SPHK1: variants seen among roughly 807,000 people sequenced by gnomAD.
SPHK1 encodes the protein sphingosine kinase 1, also known as SK 1.
Under a neutral mutation model 14.6 loss-of-function variants are expected in SPHK1, and 10 were observed. The ratio of observed to expected loss-of-function variants is 0.68; its 90% confidence interval spans 0.42 to 1.16. SPHK1 has a LOEUF of 1.16. Among genes scored for constraint, SPHK1 ranks in the 50% most tolerant of loss-of-function variants. SPHK1 has a pLI of 0.00. For synonymous variants in SPHK1, 274 were observed against 224.0 expected, an observed-to-expected ratio of 1.22 and a Z score of -1.99; for missense variants, 553 against 525.4, an observed-to-expected ratio of 1.05 and a Z score of -0.51.
chr17:76,383,259 C>G (rs1260611559), upstream of SPHK1: 2 of 151,722 alleles, frequency 1.3e-5, no homozygotes, highest in Non-Finnish European at 2.9e-5. Flanking sequence ...GCCCGGGGGC[C>G]GCGCAAGGCG....
chr17:76,385,145 C>T lies in SPHK1; in HGVS notation c.-194-306C>T. The T allele has an allele frequency of 6.3e-7, 1 of 1,594,480 alleles. No individual in the cohort carries two copies. The highest frequency in any genetic ancestry group is 1.1e-5 in the South Asian group (1 of 87,426). On this transcript the variant is annotated intron_variant, in intron 1 of 5. Coordinates refer to ENST00000592299, the MANE Select transcript of SPHK1 (RefSeq NM_001142601.2). This position sits in a 1 kb window ranked among gnomAD's most constrained non-coding sequence, Gnocchi z 5.3. ...TCTGGGATTTTTACGCAGCTGGACT[C>T]CCCTCCCCCTGGCAGCCCCGAGGGG...
At position 76,387,366 on chromosome 17, in the gene SPHK1, T is replaced by C; in HGVS notation, c.935T>C (p.Met312Thr). The C allele has an allele frequency of 6.2e-7, 1 of 1,613,910 alleles. No individual in the cohort carries two copies. The highest frequency in any genetic ancestry group is 8.5e-7 in the Non-Finnish European group (1 of 1,180,018). ...LFLAMEKGRH[M>T]EYECPYLVYV... ...CTGGCCATGGAGAAGGGCAGGCATA[T>C]GGAGTATGAATGCCCCTACTTGGTA... Residue 312 changes from methionine (M) to threonine (T), a missense_variant, in exon 6 of 6, where the codon ATG (methionine) becomes ACG (threonine). Coordinates refer to ENST00000592299, the MANE Select transcript of SPHK1 (RefSeq NM_001142601.2). This position sits in a 1 kb window ranked among gnomAD's most constrained non-coding sequence, Gnocchi z 4.1.
chr17:76,387,850 T>G lies in SPHK1; in HGVS notation c.*264T>G. ...CGAACCAAATCCAAATAAAGTGACA[T>G]TCCCAGCCTGCTCGTCCTGTCCTGG... On this transcript the variant is annotated 3_prime_UTR_variant, in exon 6 of 6. Transcript: ENST00000592299. The surrounding 1 kb of genome is among the most constrained non-coding windows in gnomAD (Gnocchi z 4.1). 3.9e-5 allele frequency: 17 copies of G among 434,470 alleles called. No homozygotes were observed. The highest frequency in any genetic ancestry group is 4.5e-5 in the Non-Finnish European group (11 of 243,098). 26.9% of individuals were successfully genotyped at this position (434,470 alleles called of 1,614,324 possible).
chr17:76,384,129 G>A, upstream of SPHK1: 1 of 178,764 alleles, frequency 5.6e-6, no homozygotes, highest in Non-Finnish European at 1.2e-5. Flanking sequence ...GGGTGGGCTA[G>A]GGCAGAGCGC....
chr17:76,387,327 T>A lies in SPHK1; in HGVS notation c.896T>A (p.Leu299Gln). ...CGGGCGGGAGTGTCTCGTGCCATGC[T>A]GCTGCGCCTCTTCCTGGCCATGGAG... ...YVRAGVSRAM[L>Q]LRLFLAMEKG... Residue 299 changes from leucine to glutamine, a missense_variant, in exon 6 of 6, where the codon CTG becomes CAG. Physicochemically the swap from Leu to Gln is moderately radical, Grantham distance 113. Transcript: ENST00000592299. The surrounding 1 kb of genome is among the most constrained non-coding windows in gnomAD (Gnocchi z 4.1). 2 of 1,613,456 alleles carry A rather than the reference T, an allele frequency of 1.2e-6. No homozygotes were observed. Among genetic ancestry groups the A allele is most frequent in the Non-Finnish European group, 1.7e-6 (2 of 1,179,930 alleles).
In SPHK1 at chr17:76,387,010, T is replaced by C; in HGVS notation, c.579T>C (p.Thr193=). 2 of 1,613,640 alleles carry C rather than the reference T, an allele frequency of 1.2e-6. No homozygotes were observed. Among genetic ancestry groups the C allele is most frequent in the Non-Finnish European group, 1.7e-6 (2 of 1,179,994 alleles). ...GGCGTCTGGGGGAGATGCGCTTCACTCTGGGCACCTTCCTGCGTCTGGCAG... is the reference window on the plus strand; with the variant it reads ...GGCGTCTGGGGGAGATGCGCTTCACCCTGGGCACCTTCCTGCGTCTGGCAG... The part of the protein sequence containing the change: ...KYRRLGEMRF[T]LGTFLRLAAL... The change falls in exon 6 of 6, where the codon ACT becomes ACC. Residue 193 remains threonine (T), a synonymous_variant. Coordinates refer to ENST00000592299, the MANE Select transcript of SPHK1 (RefSeq NM_001142601.2). This position sits in a 1 kb window ranked among gnomAD's most constrained non-coding sequence, Gnocchi z 4.1.
In SPHK1 at chr17:76,387,009, C is replaced by G. The variant is rs764392304; in HGVS notation, c.578C>G (p.Thr193Ser). 14 of 1,613,656 alleles carry G rather than the reference C, an allele frequency of 8.7e-6. No individual in the cohort carries two copies. The highest frequency in any genetic ancestry group is 1.2e-5 in the Non-Finnish European group (14 of 1,179,990). The change falls in exon 6 of 6, where the codon ACT (threonine) becomes AGT (serine). Residue 193 changes from threonine (T) to serine (S), a missense_variant. Thr to Ser is a moderately conservative substitution (Grantham distance 58, BLOSUM62 1). Coordinates refer to ENST00000592299, the MANE Select transcript of SPHK1 (RefSeq NM_001142601.2). This position sits in a 1 kb window ranked among gnomAD's most constrained non-coding sequence, Gnocchi z 4.1. ...CGGCGTCTGGGGGAGATGCGCTTCA[C>G]TCTGGGCACCTTCCTGCGTCTGGCA... ...KYRRLGEMRF[T>S]LGTFLRLAAL...
chr17:76,386,654 G>A lies in SPHK1; in HGVS notation c.374+146G>A. 1 of 1,160,244 alleles carries A rather than the reference G, an allele frequency of 8.6e-7. No homozygotes were observed. Among genetic ancestry groups the A allele is most frequent in the East Asian group, 2.4e-5 (1 of 41,180 alleles). The allele number at this position is 1,160,244 out of a possible 1,614,324, so 71.9% of individuals were successfully genotyped here. A position where few individuals can be genotyped will look rare whatever the true frequency, so the allele number is the denominator to read the frequency against. ...GGGCCCTCTCCTGGTGACCCCAGCT[G>A]ACTGCTTCCATTTGCTCCATCTGTC... On this transcript the variant is annotated intron_variant, in intron 5 of 5. Coordinates refer to ENST00000592299, the MANE Select transcript of SPHK1 (RefSeq NM_001142601.2). This position sits in a 1 kb window ranked among gnomAD's most constrained non-coding sequence, Gnocchi z 5.3.
Position 76,386,781 on chromosome 17 carries a change from C to G in SPHK1, c.375-25C>G, listed in dbSNP as rs780393954. On this transcript the variant is annotated intron_variant, in intron 5 of 5. Transcript: ENST00000592299. The surrounding 1 kb of genome is among the most constrained non-coding windows in gnomAD (Gnocchi z 5.3). Reference sequence around the variant, plus strand: ...GGATACATGGGGGCTCCTGTCCTGCCTTATCTGACTTTTTCCCCCTGCAGC... The same window carrying G: ...GGATACATGGGGGCTCCTGTCCTGCGTTATCTGACTTTTTCCCCCTGCAGC... 6.6e-7 allele frequency: 1 copy of G among 1,526,354 alleles called. No homozygotes were observed. The highest frequency in any genetic ancestry group is 2.1e-5 in the Admixed American group (1 of 47,878). The allele number at this position is 1,526,354 out of a possible 1,614,324, so 94.6% of individuals were successfully genotyped here.
In SPHK1 at chr17:76,387,143, C is replaced by T. The variant is rs1200896233; in HGVS notation, c.712C>T (p.Leu238Phe). 4 of 1,613,058 alleles carry T rather than the reference C, an allele frequency of 2.5e-6. No individual in the cohort carries two copies. The highest frequency in any genetic ancestry group is 3.4e-6 in the Non-Finnish European group (4 of 1,180,012). ...VVQQGPVDAH[L>F]VPLEEPVPSH... is the part of the protein sequence containing the mutation. ...CCAGCAGGGCCCGGTAGATGCACACCTTGTGCCACTGGAGGAGCCAGTGCC... is the reference window on the plus strand; with the variant it reads ...CCAGCAGGGCCCGGTAGATGCACACTTTGTGCCACTGGAGGAGCCAGTGCC... Residue 238 changes from leucine to phenylalanine, a missense_variant, in exon 6 of 6, where the codon CTT becomes TTT. Transcript: ENST00000592299. This position sits in a 1 kb window ranked among gnomAD's most constrained non-coding sequence, Gnocchi z 4.1.
In SPHK1 at chr17:76,385,769, C is replaced by CGA; in HGVS notation, c.10+115_10+116insGA. Reference sequence around the variant, plus strand: ...TGGACGATCGGGAGAAACATTATCCCTCACGAGGCCAGAAGCCGGCCGAAT... The same window carrying CGA: ...TGGACGATCGGGAGAAACATTATCCCGATCACGAGGCCAGAAGCCGGCCGAAT... On this transcript the variant is annotated intron_variant, in intron 2 of 5. Coordinates refer to ENST00000592299, the MANE Select transcript of SPHK1 (RefSeq NM_001142601.2). The surrounding 1 kb of genome is among the most constrained non-coding windows in gnomAD (Gnocchi z 5.3). 1 of 1,424,658 alleles carries CGA rather than the reference C, an allele frequency of 7.0e-7. No individual in the cohort carries two copies. The highest frequency in any genetic ancestry group is 9.6e-7 in the Non-Finnish European group (1 of 1,046,794). The allele number at this position is 1,424,658 out of a possible 1,614,324, so 88.3% of individuals were successfully genotyped here. A position where few individuals can be genotyped will look rare whatever the true frequency, so the allele number is the denominator to read the frequency against.
At position 76,386,155 on chromosome 17, in the gene SPHK1, G is replaced by T. The variant is rs990032613; in HGVS notation, c.163+18G>T. On this transcript the variant is annotated intron_variant, in intron 3 of 5. Transcript: ENST00000592299. The surrounding 1 kb of genome is among the most constrained non-coding windows in gnomAD (Gnocchi z 5.3). ...GCTCACTGGTGAGTACCTCTCGGAG[G>T]GGGTTTCGGGAGCATCCCCTGGCAG... 1 of 1,589,404 alleles carries T rather than the reference G, an allele frequency of 6.3e-7. No individual in the cohort carries two copies.
chr17:76,384,867 G>A, intron 1 of SPHK1, 61 bp downstream of exon 1: 1 of 414,370 alleles, frequency 2.4e-6, no homozygotes, highest in Non-Finnish European at 4.2e-6. Flanking sequence ...GCCCTCGCGG[G>A]GCCCCGGGAA....
rs1291114538 is a variant in SPHK1 at position 76,387,072 on chromosome 17, C to T, written c.641C>T (p.Pro214Leu). 4 of 1,613,344 alleles carry T rather than the reference C, an allele frequency of 2.5e-6. No homozygotes were observed. The highest frequency in any genetic ancestry group is 2.7e-5 in the African/African-American group (2 of 74,928). ...RTYRGRLAYLPVGRVGSKTPA... is the reference protein window; with the variant it reads ...RTYRGRLAYLLVGRVGSKTPA... ...TACCGCGGCCGACTGGCCTACCTCC[C>T]TGTAGGAAGAGTGGGTTCCAAGACA... Residue 214 changes from proline to leucine, a missense_variant, in exon 6 of 6, where the codon CCT (proline) becomes CTT (leucine). Transcript: ENST00000592299. This position sits in a 1 kb window ranked among gnomAD's most constrained non-coding sequence, Gnocchi z 4.1.
rs769049468 is a variant in SPHK1, at chr17:76,385,405, G to A, written c.-194-46G>A. 3 of 1,476,000 alleles carry A rather than the reference G, an allele frequency of 2.0e-6. No individual in the cohort carries two copies. Among genetic ancestry groups the A allele is most frequent in the East Asian group, 2.5e-5 (1 of 40,196 alleles). The allele number at this position is 1,476,000 out of a possible 1,614,324, so 91.4% of individuals were successfully genotyped here. ...TTTAGTCGGGCGCTCCCCACCTCTG[G>A]CAGCTGCGGCCCCGGACTCCGCCAG... On this transcript the variant is annotated intron_variant, in intron 1 of 5. Transcript: ENST00000592299. This position sits in a 1 kb window ranked among gnomAD's most constrained non-coding sequence, Gnocchi z 5.3.
Position 76,385,325 on chromosome 17 carries a change from G to A in SPHK1, c.-194-126G>A. 6.9e-7 allele frequency: 1 copy of A among 1,454,558 alleles called. No individual in the cohort carries two copies. Among genetic ancestry groups the A allele is most frequent in the Non-Finnish European group, 9.1e-7 (1 of 1,104,494 alleles). 90.1% of individuals were successfully genotyped at this position (1,454,558 alleles called of 1,614,324 possible). A position where few individuals can be genotyped will look rare whatever the true frequency, so the allele number is the denominator to read the frequency against. ...GGCGGGGGCGCCCTCGGAGGCACCG[G>A]ACCTCAGCTCTCTGGACTTCCCGGG... is the stretch of plus-strand genomic sequence containing the variant. On this transcript the variant is annotated intron_variant, in intron 1 of 5. Coordinates refer to ENST00000592299, the MANE Select transcript of SPHK1 (RefSeq NM_001142601.2). The surrounding 1 kb of genome is among the most constrained non-coding windows in gnomAD (Gnocchi z 5.3).
Position 76,384,695 on chromosome 17 carries a change from G to A in SPHK1, c.-306G>A, listed in dbSNP as rs2071929714. 6.3e-6 allele frequency: 1 copy of A among 159,488 alleles called. No individual in the cohort carries two copies. Among genetic ancestry groups the A allele is most frequent in the Non-Finnish European group, 1.4e-5 (1 of 73,098 alleles). 9.9% of individuals were successfully genotyped at this position (159,488 alleles called of 1,614,324 possible). ...GAGCGAGGCCGGGGAGTCCGCTCCA[G>A]CGGGGCGCTCCAGTCCCTCAGACGT... On this transcript the variant is annotated 5_prime_UTR_variant, in exon 1 of 6. Coordinates refer to ENST00000592299, the MANE Select transcript of SPHK1 (RefSeq NM_001142601.2).
upstream of SPHK1, chr17:76,384,387 A>C (rs1201821237): frequency 1.3e-5 from 2 of 150,000 alleles, no homozygotes; most frequent in African/African-American, 4.9e-5. Context: ...TCACCCGGCC[A>C]GGTCGCGGCG....
At position 76,386,981 on chromosome 17, in the gene SPHK1, T is replaced by A; in HGVS notation, c.550T>A (p.Tyr184Asn). Reference sequence around the variant, plus strand: ...TGATGTGGACCTAGAGAGTGAGAAGTATCGGCGTCTGGGGGAGATGCGCTT... The same window carrying A: ...TGATGTGGACCTAGAGAGTGAGAAGAATCGGCGTCTGGGGGAGATGCGCTT... ...IADVDLESEK[Y>N]RRLGEMRFTL... is the part of the protein sequence containing the mutation. Residue 184 changes from tyrosine to asparagine, a missense_variant, in exon 6 of 6, where the codon TAT becomes AAT. Coordinates refer to ENST00000592299, the MANE Select transcript of SPHK1 (RefSeq NM_001142601.2). This position sits in a 1 kb window ranked among gnomAD's most constrained non-coding sequence, Gnocchi z 5.3. 6.2e-7 allele frequency: 1 copy of A among 1,613,590 alleles called. No homozygotes were observed. The highest frequency in any genetic ancestry group is 8.5e-7 in the Non-Finnish European group (1 of 1,179,918).
Sources: allele counts gnomAD v4.1 joint callset, GRCh38; gene constraint gnomAD v4.1.1; non-coding constraint Gnocchi (gnomAD v3.1); transcripts MANE v1.5; gene names NCBI Gene and HGNC (gene_info 2026-07-23, HGNC 2026-07-21).